The following ZFHX3 variants were observed in gnomAD, a reference collection of about 807,000 sequenced individuals.
ZFHX3 encodes zinc finger homeobox protein 3.
ZFHX3 carries 42 observed loss-of-function variants against 279.1 expected under a neutral mutation model. That is an observed-to-expected ratio of 0.15 (90% confidence interval 0.12 to 0.19). The LOEUF (loss-of-function observed/expected upper bound fraction) is 0.19, where lower values mean the gene tolerates loss of function less well. Ranked by LOEUF, ZFHX3 falls within the 10% of genes least tolerant of loss-of-function variation. The pLI is 1.00. For missense variants in ZFHX3, 4,981 were observed against 4,754.0 expected, an observed-to-expected ratio of 1.05 and a Z score of -1.40; for synonymous variants, 2,293 against 1,957.8, an observed-to-expected ratio of 1.17 and a Z score of -4.52.
At chr16:72,937,429 A>G (rs1396365827) in intron 3 of ZFHX3, among the ~76,000 whole-genome samples, 1 of 152,238 alleles carries the variant, frequency 6.6e-6, no homozygotes, top group Non-Finnish European at 1.5e-5. Flanking sequence ...CAGCCGACAG[A>G]GTCAGCAACA....
At chr16:73,502,562 T>C (rs527748093) in intron 2 of ZFHX3, among the ~76,000 whole-genome samples, 1 of 151,760 alleles carries the variant, frequency 6.6e-6, no homozygotes, top group South Asian at 2.1e-4. Context: ...GAATGTGGCC[T>C]TCAGATCTAC....
chr16:73,642,141 C>T (rs1029648361), intron 2 of ZFHX3, among the ~76,000 whole-genome samples: 2 of 152,154 alleles, frequency 1.3e-5, no homozygotes, highest in African/African-American at 4.8e-5. Context: ...AGACTTAATT[C>T]CCAGTCTCTC....
intron 8 of ZFHX3, among the ~76,000 whole-genome samples, chr16:73,075,397 TAAC>T (rs1965876754): frequency 6.6e-6 from 1 of 152,134 alleles, no homozygotes; most frequent in Non-Finnish European, 1.5e-5. Context: ...TAGAATGGCG[TAAC>T]AATAAAACAA....
intron 2 of ZFHX3, among the ~76,000 whole-genome samples, chr16:72,951,739 T>C (rs1961010702): frequency 6.6e-6 from 1 of 152,244 alleles, no homozygotes; most frequent in Non-Finnish European, 1.5e-5. Flanking sequence ...GCCCAGAATG[T>C]ATCTGAGGTG....
At chr16:72,968,280 G>A (rs1214958637) in intron 1 of ZFHX3, among the ~76,000 whole-genome samples, 1 of 152,148 alleles carries the variant, frequency 6.6e-6, no homozygotes, top group African/African-American at 2.4e-5. Flanking sequence ...TCAGGGCCAT[G>A]CAACGGAAAG....
At chr16:73,060,232 A>T (rs969057196), upstream of ZFHX3, 9 of 151,842 alleles carry the variant, frequency 5.9e-5, no homozygotes, top group African/African-American at 2.2e-4. Flanking sequence ...CCAAAAAAAA[A>T]AAAAAAAAAA....
At chr16:73,459,059 C>G (rs2018426174) in intron 2 of ZFHX3, among the ~76,000 whole-genome samples, 1 of 152,174 alleles carries the variant, frequency 6.6e-6, no homozygotes, top group African/African-American at 2.4e-5. Context: ...TGGGCAATAG[C>G]AAAGAGTAGA....
At chr16:72,871,212 G>C (rs960055036) in intron 4 of ZFHX3, among the ~76,000 whole-genome samples, 1 of 152,136 alleles carries the variant, frequency 6.6e-6, no homozygotes, top group Non-Finnish European at 1.5e-5. Context: ...TTTTGCTCTT[G>C]ACGCCCAGGT....
chr16:73,136,135 C>T (rs1384765580), intron 6 of ZFHX3, among the ~76,000 whole-genome samples: 1 of 152,152 alleles, frequency 6.6e-6, no homozygotes, highest in Admixed American at 6.5e-5. Context: ...GGATTACAGG[C>T]GTGATTATTT....
At chr16:73,442,120 C>T (rs1163259426) in intron 3 of ZFHX3, among the ~76,000 whole-genome samples, 1 of 151,950 alleles carries the variant, frequency 6.6e-6, no homozygotes, top group Non-Finnish European at 1.5e-5. Context: ...TACAGATGAC[C>T]AGAATGAAAG....
At chr16:73,818,195 T>C (rs1206666688) in intron 1 of ZFHX3, among the ~76,000 whole-genome samples, 1 of 152,250 alleles carries the variant, frequency 6.6e-6, no homozygotes, top group Non-Finnish European at 1.5e-5. Context: ...ATTTATTTTA[T>C]CATTTGCAAC....
chr16:73,535,722 CTTTT>C (rs56867952), intron 2 of ZFHX3, among the ~76,000 whole-genome samples: 1 of 139,004 alleles, frequency 7.2e-6, no homozygotes. Flanking sequence ...TGCCCCCTAT[CTTTT>C]TTTTTTTTTT....
chr16:73,599,366 C>T (rs922937438), intron 2 of ZFHX3, among the ~76,000 whole-genome samples: 2 of 152,176 alleles, frequency 1.3e-5, no homozygotes, highest in African/African-American at 4.8e-5. Flanking sequence ...AATCTAAAAC[C>T]AGGACCAGCT....
chr16:72,901,377 T>G (rs1000143180), intron 3 of ZFHX3, among the ~76,000 whole-genome samples: 6 of 152,188 alleles, frequency 3.9e-5, no homozygotes. Context: ...AGGCTCCTCT[T>G]GAGTTCCTAC....
intron 1 of ZFHX3, among the ~76,000 whole-genome samples, chr16:73,846,151 G>C (rs1032389769): frequency 1.3e-5 from 2 of 152,126 alleles, no homozygotes; most frequent in South Asian, 4.1e-4. Context: ...ACTTGGCAGC[G>C]GTGGTTACAC....
chr16:72,919,777 CTTTTTTTTTTTTT>C (rs532405250), intron 3 of ZFHX3, among the ~76,000 whole-genome samples: 8 of 42,292 alleles, frequency 1.9e-4, no homozygotes, highest in South Asian at 1.5e-3. Flanking sequence ...TATGCACCAT[CTTTTTTTTTTTTT>C]TTTTTTTTTT....
intron 3 of ZFHX3, among the ~76,000 whole-genome samples, chr16:73,344,902 T>C (rs1175628438): frequency 6.6e-6 from 1 of 152,214 alleles, no homozygotes; most frequent in South Asian, 2.1e-4. Flanking sequence ...CACAGATCTT[T>C]GAGAGTGGGC....
intron 3 of ZFHX3, 123 bp downstream of exon 3, chr16:72,950,346 A>G: frequency 1.4e-6 from 2 of 1,466,616 alleles, no homozygotes; most frequent in Non-Finnish European, 1.8e-6. Flanking sequence ...CCAGGTTCCC[A>G]ACCAACAGCC....
intron 1 of ZFHX3, among the ~76,000 whole-genome samples, chr16:73,780,249 G>A (rs1299435260): frequency 5.6e-5 from 8 of 143,378 alleles, no homozygotes; most frequent in African/African-American, 7.8e-5. Context: ...CTGGGTTCAA[G>A]TGATTCTTGT....
Sources: gnomAD v4.1 joint callset for allele counts (sites outside exome capture counted in the v4.1 genomes callset) on GRCh38, gnomAD v4.1.1 for gene constraint, MANE v1.5 for transcripts, NCBI Gene and HGNC (gene_info 2026-07-23, HGNC 2026-07-21) for gene names.